TBC1D2B: variants seen among roughly 807,000 people sequenced by gnomAD.
The protein encoded by TBC1D2B is TBC1 domain family member 2B, also known as TBC1 domain family, member 2B.
A neutral mutation model predicts 100.8 loss-of-function variants in TBC1D2B; 64 were observed. The ratio of observed to expected loss-of-function variants is 0.64; its 90% CI spans 0.52 to 0.78. The LOEUF is 0.78. Among genes scored for constraint, TBC1D2B ranks in the 30% least tolerant of loss-of-function variants. The pLI, the probability that TBC1D2B is intolerant of heterozygous loss-of-function variation, is 0.00. For missense variants in TBC1D2B, 1,052 were observed against 1,218.4 expected (o/e 0.86, Z 2.03); for synonymous variants, 480 against 479.7 (o/e 1.00, Z -0.01).
chr15:78,002,681 G>T (rs1421801270), intron 11 of TBC1D2B: 2 of 152,460 alleles, frequency 1.3e-5, no homozygotes, highest in Non-Finnish European at 2.9e-5. Context: ...CAGCTCAAAT[G>T]ATCCTCCTAC....
Position 77,999,692 on chromosome 15 carries a change from C to T in TBC1D2B, c.2697-1337G>A, listed in dbSNP as rs192101192. ...GCCCCCACAAACCCCAAACCTACGGCGCCCAACCCTCCTGTGCTGCAGAAC... is the reference window on the plus strand; with the variant it reads ...GCCCCCACAAACCCCAAACCTACGGTGCCCAACCCTCCTGTGCTGCAGAAC... On this transcript the variant is annotated intron_variant, in intron 12 of 12. Coordinates refer to ENST00000300584, the MANE Select transcript of TBC1D2B (RefSeq NM_144572.2). Among the ~76,000 whole-genome samples, 8 of 152,318 alleles carry T rather than the reference C, an allele frequency of 5.3e-5. No homozygotes were observed. In the East Asian group the frequency reaches 5.8e-4, roughly 11 times the overall value.
At chr15:78,026,031 T>C (rs2072658670) in intron 4 of TBC1D2B, among the ~76,000 whole-genome samples, 1 of 151,806 alleles carries the variant, frequency 6.6e-6, no homozygotes, top group Non-Finnish European at 1.5e-5. Flanking sequence ...GATCCTTCCT[T>C]GGAAGACTGT....
intron 8 of TBC1D2B, among the ~76,000 whole-genome samples, chr15:78,013,836 T>C (rs144858007): frequency 1.3e-5 from 2 of 152,322 alleles, no homozygotes; most frequent in East Asian, 1.9e-4. Context: ...AGGAATGTTG[T>C]TAATGGAACG....
chr15:78,021,667 T>G (rs1304604000), intron 6 of TBC1D2B, among the ~76,000 whole-genome samples: 2 of 152,204 alleles, frequency 1.3e-5, no homozygotes, highest in Admixed American at 1.3e-4. Flanking sequence ...ACTTTGCCTC[T>G]TCATCGTCTG....
intron 1 of TBC1D2B, among the ~76,000 whole-genome samples, chr15:78,070,450 C>T (rs554833020): frequency 6.6e-6 from 1 of 152,216 alleles, no homozygotes; most frequent in African/African-American, 2.4e-5. Flanking sequence ...TCTGTCCCCC[C>T]CACCTACTGA....
chr15:78,041,371 A>C (rs2073091529), intron 3 of TBC1D2B, among the ~76,000 whole-genome samples: 1 of 152,244 alleles, frequency 6.6e-6, no homozygotes, highest in Non-Finnish European at 1.5e-5. Context: ...GGCAGCAGGG[A>C]CACAGGTGCC....
chr15:78,013,996 C>T (rs2072303752), intron 8 of TBC1D2B, among the ~76,000 whole-genome samples: 2 of 152,134 alleles, frequency 1.3e-5, no homozygotes, highest in Admixed American at 6.5e-5. Context: ...GGGGCTGGAC[C>T]TGCTGCTGCT....
rs1048628945 is a variant in TBC1D2B, at chr15:78,026,369, G to T, written c.848-872C>A. The stretch of plus-strand genomic sequence containing the variant: ...GCAGGTTTGCAATAAAAACAAGTTT[G>T]GTCCCCTGGCTCTCCCTCACCCTTG... On this transcript the variant is annotated intron_variant, in intron 4 of 12. Transcript: ENST00000300584. Among the ~76,000 whole-genome samples the T allele has an allele frequency of 3.2e-4, 49 of 152,120 alleles. 2 individuals carry two copies. The East Asian group carries it at 8.5e-3, about 26-fold the overall frequency.
intron 2 of TBC1D2B, among the ~76,000 whole-genome samples, chr15:78,048,486 C>T (rs1003054390): frequency 6.6e-6 from 1 of 152,202 alleles, no homozygotes; most frequent in Non-Finnish European, 1.5e-5. Flanking sequence ...ATGAACATGT[C>T]TTTTGTCTTA....
At chr15:78,040,855 G>GAAGGAAGGAAGGAAGAAAGAAAGA in intron 3 of TBC1D2B, among the ~76,000 whole-genome samples, 1 of 74,740 alleles carries the variant, frequency 1.3e-5, no homozygotes, top group East Asian at 8.0e-4. Context: ...AGAAAGAAAG[G>GAAGGAAGGAAGGAAGAAAGAAAGA]AAGAAAGAAA....
At chr15:78,057,133 C>T (rs1038816724) in intron 1 of TBC1D2B, among the ~76,000 whole-genome samples, 4 of 152,196 alleles carry the variant, frequency 2.6e-5, no homozygotes, top group African/African-American at 9.7e-5. Flanking sequence ...ATCCTTTTCA[C>T]TTTAAATCTT....
At position 78,024,505 on chromosome 15, in the gene TBC1D2B, G is replaced by T; in HGVS notation, c.1121C>A (p.Ser374Ter). The T allele has an allele frequency of 6.2e-7, 1 of 1,613,656 alleles. No individual in the cohort carries two copies. The highest frequency in any genetic ancestry group is 1.1e-5 in the South Asian group (1 of 91,008). Residue 374 changes from serine (S) to a stop codon, truncating the protein, a stop_gained, in exon 6 of 13, where the codon TCA becomes TAA. Transcript: ENST00000300584. LOFTEE classifies it high-confidence loss of function. ...TGTGAAATACTTGTCATACTGGGATGACCGGACTGTCTGCTGGAGCAGTCG... is the reference window on the plus strand; with the variant it reads ...TGTGAAATACTTGTCATACTGGGATTACCGGACTGTCTGCTGGAGCAGTCG... ...LVRLLQQTVR[S>*]SQYDKYFTSS...
chr15:78,022,715 A>AT (rs60606952), intron 6 of TBC1D2B, among the ~76,000 whole-genome samples: 14,440 of 145,832 alleles, frequency 0.099, 860 homozygotes, highest in East Asian at 0.24. Context: ...ATGCCTGGCC[A>AT]TTTTTTTTTT....
chr15:78,039,206 C>T (rs74027737), intron 3 of TBC1D2B, among the ~76,000 whole-genome samples: 1,857 of 152,354 alleles, frequency 0.012, 16 homozygotes, highest in South Asian at 0.027. Flanking sequence ...ACAAGTACCA[C>T]ATTACGGCTC....
chr15:78,039,751 T>TACACACAC (rs3972618), intron 3 of TBC1D2B, among the ~76,000 whole-genome samples: 1 of 147,992 alleles, frequency 6.8e-6, no homozygotes, highest in African/African-American at 2.5e-5. Context: ...AGAGGCTTAC[T>TACACACAC]ACACACACAC....
chr15:78,074,734 G>C (rs2044101), intron 1 of TBC1D2B, among the ~76,000 whole-genome samples: 9,435 of 152,256 alleles, frequency 0.062, 448 homozygotes, highest in African/African-American at 0.12. Flanking sequence ...TGTTTCACAT[G>C]ATCTTCCTAA....
At chr15:78,075,450 G>A (rs946215837) in intron 1 of TBC1D2B, among the ~76,000 whole-genome samples, 6 of 152,036 alleles carry the variant, frequency 3.9e-5, no homozygotes, top group Non-Finnish European at 5.9e-5. Context: ...CACCCGTCTC[G>A]GCCTCCCAAA....
At chr15:78,018,173 G>C (rs1372527486) in intron 6 of TBC1D2B, among the ~76,000 whole-genome samples, 2 of 152,208 alleles carry the variant, frequency 1.3e-5, no homozygotes, top group Non-Finnish European at 2.9e-5. Flanking sequence ...TGCCGTAACG[G>C]AGATGGAGAA....
At chr15:78,000,481 G>C (rs926886287) in intron 12 of TBC1D2B, among the ~76,000 whole-genome samples, 4 of 152,352 alleles carry the variant, frequency 2.6e-5, no homozygotes, top group East Asian at 1.9e-4. Context: ...CAGGCTCACC[G>C]CAGGACTCAG....
Sources: gnomAD v4.1 joint callset for allele counts (sites outside exome capture counted in the v4.1 genomes callset) on GRCh38, gnomAD v4.1.1 for gene constraint, MANE v1.5 for transcripts, NCBI Gene and HGNC (gene_info 2026-07-23, HGNC 2026-07-21) for gene names.